TVP23C: variants seen among roughly 807,000 people sequenced by gnomAD.
TVP23C encodes the protein trans-golgi network vesicle protein 23 homolog C.
TVP23C carries 19 observed loss-of-function variants against 28.7 expected under a neutral mutation model. That is an observed-to-expected ratio of 0.66 (90% CI 0.46 to 0.97). The LOEUF is 0.97. TVP23C is among the 50% of genes least tolerant of loss of function. TVP23C has a pLI of 0.00. For synonymous variants in TVP23C, 68 were observed against 81.7 expected (o/e 0.83, Z 0.90); for missense variants, 186 against 241.3 (o/e 0.77, Z 1.52).
At chr17:15,547,259 C>T in intron 3 of TVP23C, 111 bp from the exon 4 acceptor site, 1 of 1,476,046 alleles carries the variant, frequency 6.8e-7, no homozygotes, top group Non-Finnish European at 9.1e-7. Flanking sequence ...AGCTTTACCT[C>T]CATAATATCC....
intron 5 of TVP23C, chr17:15,507,145 A>G (rs1351963323): frequency 1.2e-6 from 1 of 819,384 alleles, no homozygotes. Flanking sequence ...ACAGGTCCTG[A>G]CATCTTGTCC....
exon 6 of TVP23C, chr17:15,503,030 C>T: frequency 6.2e-7 from 1 of 1,614,064 alleles, no homozygotes. Context: ...AGGTGGAGAA[C>T]TAAGGCGGGG....
intron 5 of TVP23C, chr17:15,507,152 G>C: frequency 5.0e-6 from 4 of 798,236 alleles, no homozygotes; most frequent in South Asian, 4.0e-5. Flanking sequence ...CTGACATCTT[G>C]TCCATGGCAA....
intron 5 of TVP23C, chr17:15,507,158 G>A: frequency 1.3e-6 from 1 of 770,980 alleles, no homozygotes; most frequent in South Asian, 1.3e-5. Context: ...TCTTGTCCAT[G>A]GCAAATGCAG....
intron 1 of TVP23C, among the ~76,000 whole-genome samples, chr17:15,559,473 C>T (rs1984283365): frequency 6.7e-6 from 1 of 148,430 alleles, no homozygotes; most frequent in Non-Finnish European, 1.5e-5. Context: ...ATGCTAAAAC[C>T]AAAAAAGCAT....
chr17:15,503,161 G>A (rs760339673), exon 6 of TVP23C: 1 of 1,595,340 alleles, frequency 6.3e-7, no homozygotes, highest in Non-Finnish European at 8.5e-7. Flanking sequence ...CAGCGCTTTG[G>A]AAGGCGGAAG....
rs1477442752 is a variant in TVP23C at position 15,560,608 on chromosome 17, T to G, written c.12+2829A>C. ...TGAGACGGAGTCGCCCAGGCTGGAG[T>G]GCAGTGGCACGATCTCGGCTCACTG... On this transcript the variant is annotated intron_variant, in intron 1 of 5. Coordinates refer to ENST00000518321, the MANE Select transcript of TVP23C (RefSeq NM_001135036.2). Among the ~76,000 whole-genome samples the G allele has an allele frequency of 2.7e-5, 4 of 149,168 alleles. 1 individual carries two copies.
rs151062929 is a variant in TVP23C, at chr17:15,504,969, G to T, written c.463-1737C>A. ...CATTGATCTTCTTCTGGAAGAAGGA[G>T]AGGGTCCAATAAAACCGCTGTTTAT... On this transcript the variant is annotated intron_variant, in intron 5 of 5. Transcript: ENST00000225576. Among the ~76,000 whole-genome samples the T allele has an allele frequency of 2.0e-5, 3 of 152,286 alleles. No homozygotes were observed. The East Asian group carries it at 5.8e-4, about 29-fold the overall frequency.
At chr17:15,533,217 G>A (rs928753299), downstream of TVP23C, among the ~76,000 whole-genome samples, 2 of 152,144 alleles carry the variant, frequency 1.3e-5, no homozygotes, top group African/African-American at 4.8e-5. Context: ...ATATCTAACT[G>A]TAATGTAACA....
intron 5 of TVP23C, among the ~76,000 whole-genome samples, chr17:15,515,791 G>C (rs1371655429): frequency 1.3e-5 from 2 of 152,028 alleles, no homozygotes; most frequent in African/African-American, 4.8e-5. Context: ...ATGAATGATG[G>C]GCACAGTGAT....
chr17:15,520,798 G>A (rs894939458), intron 5 of TVP23C, among the ~76,000 whole-genome samples: 9 of 151,938 alleles, frequency 5.9e-5, no homozygotes, highest in Non-Finnish European at 1.0e-4. Flanking sequence ...ACGCAGTAAC[G>A]CATAAAAAAA....
chr17:15,513,083 C>T (rs1276435046), intron 5 of TVP23C, among the ~76,000 whole-genome samples: 1 of 152,150 alleles, frequency 6.6e-6, no homozygotes, highest in Non-Finnish European at 1.5e-5. Flanking sequence ...CTCCTGGGCC[C>T]CTTCTCTTTG....
chr17:15,533,434 T>C (rs973272213), downstream of TVP23C, among the ~76,000 whole-genome samples: 11 of 152,390 alleles, frequency 7.2e-5, no homozygotes, highest in South Asian at 4.1e-4. Context: ...TTTAAAATGA[T>C]AGAAAACTCT....
intron 3 of TVP23C, 141 bp downstream of exon 3, chr17:15,553,544 A>C (rs1409852500): frequency 2.0e-6 from 2 of 1,001,876 alleles, no homozygotes; most frequent in Non-Finnish European, 2.7e-6. Flanking sequence ...AAAAAACTAC[A>C]TGCAATTTGA....
chr17:15,548,520 T>C (rs1191467612), intron 3 of TVP23C, among the ~76,000 whole-genome samples: 1 of 152,198 alleles, frequency 6.6e-6, no homozygotes, highest in Admixed American at 6.5e-5. Flanking sequence ...TATCATTAAA[T>C]TATGAATGTA....
In TVP23C at chr17:15,537,617, T is replaced by A; in HGVS notation, c.*2795A>T. 2 of 985,478 alleles carry A rather than the reference T, an allele frequency of 2.0e-6. No homozygotes were observed. The highest frequency in any genetic ancestry group is 2.4e-6 in the Non-Finnish European group (2 of 829,920). The allele number at this position is 985,478 out of a possible 1,614,324, so 61.0% of individuals were successfully genotyped here. On this transcript the variant is annotated 3_prime_UTR_variant, in exon 6 of 6. Coordinates refer to ENST00000518321, the MANE Select transcript of TVP23C (RefSeq NM_001135036.2). The stretch of plus-strand genomic sequence containing the variant: ...TGCATACGTCTAAGAAATTTCCCCA[T>A]GAAGTACATATTAAAAACTAACAAT...
In TVP23C at chr17:15,559,178, T is replaced by G. The variant is rs1984266992; in HGVS notation, c.13-3814A>C. 2.0e-5 allele frequency among the ~76,000 whole-genome samples: 3 copies of G among 147,802 alleles called. 1 individual carries two copies. Among genetic ancestry groups the G allele is most frequent in the Non-Finnish European group, 4.5e-5 (3 of 66,198 alleles). On this transcript the variant is annotated intron_variant, in intron 1 of 5. Coordinates refer to ENST00000518321, the MANE Select transcript of TVP23C (RefSeq NM_001135036.2). ...GCCAAACTTGGGCCCCGTCAGGTTC[T>G]TTTGCACTTATGGTTCATATTACCT...
At chr17:15,559,071 C>G (rs564211399) in intron 1 of TVP23C, among the ~76,000 whole-genome samples, 4 of 147,924 alleles carry the variant, frequency 2.7e-5, no homozygotes, top group African/African-American at 9.7e-5. Flanking sequence ...AGCAATTCTC[C>G]TGCCTTAGCC....
chr17:15,506,177 CTT>C (rs917297891), intron 5 of TVP23C, among the ~76,000 whole-genome samples: 5 of 152,374 alleles, frequency 3.3e-5, no homozygotes, highest in African/African-American at 9.6e-5. Flanking sequence ...CGTGGAGAGT[CTT>C]TATGTCTAGC....
Sources: allele counts gnomAD v4.1 joint callset (sites outside exome capture counted in the v4.1 genomes callset), GRCh38; gene constraint gnomAD v4.1.1; transcripts MANE v1.5; gene names NCBI Gene and HGNC (gene_info 2026-07-23, HGNC 2026-07-21).